Variants in ADGRL3 observed in about 807,000 individuals in gnomAD.
ADGRL3 encodes the protein calcium-independent alpha-latrotoxin receptor 3.
ADGRL3 carries 62 observed loss-of-function variants against 153.5 expected under a neutral mutation model. The observed-to-expected ratio is 0.40, with a 90% CI of 0.33 to 0.50. The LOEUF is 0.50. ADGRL3 is among the 20% of genes least tolerant of loss of function. The pLI, the probability that ADGRL3 is intolerant of heterozygous loss-of-function variation, is 0.47. For synonymous variants in ADGRL3, 710 were observed against 672.5 expected, an observed-to-expected ratio of 1.06 and a Z score of -0.86; for missense variants, 1,641 against 1,859.4, an observed-to-expected ratio of 0.88 and a Z score of 2.16.
At chr4:61,840,736 G>C (rs1013033345) in intron 9 of ADGRL3, among the ~76,000 whole-genome samples, 2 of 152,110 alleles carry the variant, frequency 1.3e-5, no homozygotes, top group African/African-American at 4.8e-5. Context: ...GCAGGAATAG[G>C]TAGCCTATGT....
intron 1 of ADGRL3, among the ~76,000 whole-genome samples, chr4:61,343,888 T>C (rs73825122): frequency 1.8e-3 from 272 of 152,352 alleles, no homozygotes; most frequent in African/African-American, 6.4e-3. Flanking sequence ...TCAGATTATC[T>C]TTAGCATTAT....
At chr4:61,514,994 T>A (rs1179909076) in intron 3 of ADGRL3, among the ~76,000 whole-genome samples, 1 of 152,192 alleles carries the variant, frequency 6.6e-6, no homozygotes, top group African/African-American at 2.4e-5. Flanking sequence ...TAGAAATATT[T>A]GATCTCTAGT....
intron 6 of ADGRL3, among the ~76,000 whole-genome samples, chr4:61,712,399 C>CA (rs1186840967): frequency 6.8e-6 from 1 of 147,590 alleles, no homozygotes; most frequent in Non-Finnish European, 1.5e-5. Context: ...TGTCCTAGGC[C>CA]AAAAAAAGAA....
At chr4:61,748,649 C>T (rs927273455) in intron 8 of ADGRL3, among the ~76,000 whole-genome samples, 1 of 152,136 alleles carries the variant, frequency 6.6e-6, no homozygotes, top group African/African-American at 2.4e-5. Flanking sequence ...GGAAAACTGG[C>T]TAGCCATATG....
rs1188041202 is a variant in ADGRL3, at chr4:62,034,175, CTG to C, written c.3591+2568_3591+2569del. On this transcript the variant is annotated intron_variant, in intron 23 of 26. Transcript: ENST00000683033. ...ATTCATTAAAACAGAGTTCCGGAAA[CTG>C]TGGCTCATGAGCCAAATTCATCCAG... Among the ~76,000 whole-genome samples, 4 of 151,828 alleles carry C rather than the reference CTG, an allele frequency of 2.6e-5. No individual in the cohort carries two copies. In the East Asian group the frequency reaches 7.7e-4, roughly 29 times the overall value.
intron 6 of ADGRL3, among the ~76,000 whole-genome samples, chr4:61,710,776 C>T (rs1048317157): frequency 1.3e-5 from 2 of 152,134 alleles, no homozygotes; most frequent in Non-Finnish European, 2.9e-5. Flanking sequence ...CTCTATGTAA[C>T]TATTTGCTAA....
At chr4:61,370,484 T>G (rs1233224422) in intron 1 of ADGRL3, among the ~76,000 whole-genome samples, 2 of 152,122 alleles carry the variant, frequency 1.3e-5, no homozygotes, top group African/African-American at 4.8e-5. Flanking sequence ...CATTTCGTTA[T>G]GTACCCAGTA....
At chr4:61,645,264 T>G (rs1212375908) in intron 5 of ADGRL3, among the ~76,000 whole-genome samples, 3 of 152,152 alleles carry the variant, frequency 2.0e-5, no homozygotes, top group African/African-American at 4.8e-5. Context: ...GTCTTTTAAT[T>G]GGAGCATTTA....
chr4:61,989,677 C>T (rs1461760363), intron 19 of ADGRL3, among the ~76,000 whole-genome samples: 2 of 151,954 alleles, frequency 1.3e-5, no homozygotes, highest in African/African-American at 4.8e-5. Context: ...AAGAAGTTAT[C>T]CATACCAGGA....
intron 2 of ADGRL3, chr4:61,420,268 G>A (rs2097188400): frequency 6.6e-6 from 1 of 151,948 alleles, no homozygotes; most frequent in Non-Finnish European, 1.5e-5. Context: ...ATCACTATAT[G>A]ATGGTAGATT....
intron 1 of ADGRL3, among the ~76,000 whole-genome samples, chr4:61,371,438 T>G (rs2096527322): frequency 6.6e-6 from 1 of 152,018 alleles, no homozygotes; most frequent in African/African-American, 2.4e-5. Flanking sequence ...GGTGACAAAA[T>G]CTCTCAGCAG....
chr4:61,370,484 T>C (rs1233224422), intron 1 of ADGRL3, among the ~76,000 whole-genome samples: 1 of 152,122 alleles, frequency 6.6e-6, no homozygotes, highest in Non-Finnish European at 1.5e-5. Flanking sequence ...CATTTCGTTA[T>C]GTACCCAGTA....
rs190710708 is a variant in ADGRL3, at chr4:61,414,587, G to T, written c.-174+31398G>T. 7.9e-5 allele frequency among the ~76,000 whole-genome samples: 12 copies of T among 151,974 alleles called. No individual in the cohort carries two copies. The East Asian group carries it at 2.3e-3, about 29-fold the overall frequency. On this transcript the variant is annotated intron_variant, in intron 2 of 26. Coordinates refer to ENST00000683033, the MANE Select transcript of ADGRL3 (RefSeq NM_001387552.1). ...TTACGCTTGGTATTTTGCTTACTCT[G>T]ATTGGTTATTGGTCATTGAGTGGTT...
At chr4:61,606,030 A>G (rs1228043915) in intron 5 of ADGRL3, among the ~76,000 whole-genome samples, 1 of 152,216 alleles carries the variant, frequency 6.6e-6, no homozygotes, top group East Asian at 1.9e-4. Context: ...GATACAGGTA[A>G]TTAAAGTATC....
intron 5 of ADGRL3, among the ~76,000 whole-genome samples, chr4:61,665,303 C>G (rs569210088): frequency 1.3e-5 from 2 of 152,184 alleles, no homozygotes; most frequent in East Asian, 3.9e-4. Flanking sequence ...GTCAGCTACT[C>G]TGGAGGCTGA....
chr4:61,583,576 T>C (rs2098934652), intron 4 of ADGRL3: 1 of 479,620 alleles, frequency 2.1e-6, no homozygotes, highest in Non-Finnish European at 4.1e-6. Flanking sequence ...TAATATGTGA[T>C]CAAAAGCACT....
intron 1 of ADGRL3, among the ~76,000 whole-genome samples, chr4:61,339,115 C>A (rs2095749515): frequency 2.0e-5 from 3 of 152,084 alleles, no homozygotes; most frequent in African/African-American, 4.8e-5. Flanking sequence ...AGTGATTGAT[C>A]CAACTTCAGT....
At chr4:61,953,262 A>G (rs2098954167) in intron 17 of ADGRL3, among the ~76,000 whole-genome samples, 1 of 152,194 alleles carries the variant, frequency 6.6e-6, no homozygotes, top group Admixed American at 6.5e-5. Flanking sequence ...AGGAAACAAA[A>G]TTATATTGGA....
chr4:61,597,688 C>T (rs1273796774), intron 5 of ADGRL3, among the ~76,000 whole-genome samples: 1 of 143,220 alleles, frequency 7.0e-6, no homozygotes, highest in Non-Finnish European at 1.5e-5. Context: ...TACAACTATA[C>T]ACGTGAAGTC....
Sources: allele counts gnomAD v4.1 joint callset (sites outside exome capture counted in the v4.1 genomes callset), GRCh38; gene constraint gnomAD v4.1.1; transcripts MANE v1.5; gene names NCBI Gene and HGNC (gene_info 2026-07-23, HGNC 2026-07-21).